The following DACH1 variants were observed in gnomAD, a reference collection of about 807,000 sequenced individuals.
DACH1 encodes dachshund homolog 1.
In DACH1, 12 loss-of-function variants were observed where a neutral mutation model predicts 54.2. That is an observed-to-expected ratio of 0.22 (90% CI 0.14 to 0.36). The LOEUF (loss-of-function observed/expected upper bound fraction) is 0.36, where lower values mean the gene tolerates loss of function less well. Among genes scored for constraint, DACH1 ranks in the 10% least tolerant of loss-of-function variants. The pLI, the probability that DACH1 is intolerant of heterozygous loss-of-function variation, is 1.00. For missense variants in DACH1, 805 were observed against 929.8 expected (o/e 0.87, Z 1.75); for synonymous variants, 386 against 366.2 (o/e 1.05, Z -0.62).
At chr13:71,831,899 C>T (rs1566529642) in intron 1 of DACH1, among the ~76,000 whole-genome samples, 1 of 151,884 alleles carries the variant, frequency 6.6e-6, no homozygotes, top group Admixed American at 6.6e-5. Context: ...AACGACCATG[C>T]TCTCTTTATG....
intron 2 of DACH1, among the ~76,000 whole-genome samples, chr13:71,634,296 A>C (rs1344877151): frequency 6.6e-6 from 1 of 151,926 alleles, no homozygotes; most frequent in African/African-American, 2.4e-5. Flanking sequence ...TTGAATATAT[A>C]TTCAATGCTT....
intron 1 of DACH1, among the ~76,000 whole-genome samples, chr13:71,842,274 G>A (rs538993540): frequency 3.9e-5 from 6 of 152,212 alleles, no homozygotes; most frequent in Non-Finnish European, 7.4e-5. Context: ...TGGAGAAAAC[G>A]CTTTATAGTG....
intron 1 of DACH1, among the ~76,000 whole-genome samples, chr13:71,861,942 T>C (rs2138293747): frequency 6.6e-6 from 1 of 150,560 alleles, no homozygotes; most frequent in East Asian, 2.0e-4. Context: ...AGTCAAGAGT[T>C]GGAAAATGTT....
intron 1 of DACH1, among the ~76,000 whole-genome samples, chr13:71,754,187 A>G (rs2137986593): frequency 6.6e-6 from 1 of 152,244 alleles, no homozygotes; most frequent in South Asian, 2.1e-4. Context: ...GTGCTTTAAA[A>G]TGGAGGAATT....
rs1888364038 is a variant in DACH1 at position 71,826,013 on chromosome 13, C to A, written c.848+39909G>T. ...CTAAAGAGATGGAAAGAATTCACAC[C>A]CTGAGTCCACTGCCTTTGGCATATC... On this transcript the variant is annotated intron_variant, in intron 1 of 10. Coordinates refer to ENST00000613252, the MANE Select transcript of DACH1 (RefSeq NM_080759.6). 2.6e-5 allele frequency among the ~76,000 whole-genome samples: 4 copies of A among 152,116 alleles called. No individual in the cohort carries two copies. The South Asian group carries it at 8.3e-4, about 32-fold the overall frequency.
chr13:71,733,833 A>G (rs1883864044), intron 1 of DACH1, among the ~76,000 whole-genome samples: 1 of 152,022 alleles, frequency 6.6e-6, no homozygotes, highest in Admixed American at 6.5e-5. Context: ...ATTATTTCCT[A>G]TAAGCCAAAC....
intron 1 of DACH1, among the ~76,000 whole-genome samples, chr13:71,795,938 G>A (rs1271135792): frequency 1.3e-5 from 2 of 152,086 alleles, no homozygotes; most frequent in East Asian, 1.9e-4. Context: ...AAGAAATTGG[G>A]CTAATCTTTA....
At chr13:71,723,164 G>A (rs1883305425) in intron 1 of DACH1, among the ~76,000 whole-genome samples, 1 of 151,868 alleles carries the variant, frequency 6.6e-6, no homozygotes, top group Admixed American at 6.6e-5. Flanking sequence ...CACTTTGGGA[G>A]GTTGAGGCAA....
intron 3 of DACH1, among the ~76,000 whole-genome samples, chr13:71,602,091 C>A (rs1566370938): frequency 6.6e-6 from 1 of 151,920 alleles, no homozygotes; most frequent in African/African-American, 2.4e-5. Context: ...GGATACCTGA[C>A]CAGCTGGCTA....
chr13:71,586,412 G>A (rs1220080743), intron 3 of DACH1, among the ~76,000 whole-genome samples: 2 of 152,062 alleles, frequency 1.3e-5, no homozygotes, highest in African/African-American at 4.8e-5. Context: ...CTTTAATATT[G>A]CAATTTCTAT....
At chr13:71,756,094 G>T (rs750773550) in intron 1 of DACH1, among the ~76,000 whole-genome samples, 1 of 151,902 alleles carries the variant, frequency 6.6e-6, no homozygotes, top group Non-Finnish European at 1.5e-5. Flanking sequence ...GCGGTAGCCC[G>T]ATCTCGGCTC....
intron 1 of DACH1, among the ~76,000 whole-genome samples, chr13:71,767,633 C>G (rs537803436): frequency 3.3e-5 from 5 of 152,072 alleles, no homozygotes; most frequent in African/African-American, 9.6e-5. Context: ...GACAAAAGAC[C>G]TGGTGTAGGC....
At chr13:71,686,324 C>A (rs2192998) in intron 1 of DACH1, among the ~76,000 whole-genome samples, 13,185 of 152,140 alleles carry the variant, frequency 0.087, 1,589 homozygotes, top group African/African-American at 0.28. Context: ...CACCCAAGCA[C>A]ACTTTCTCCT....
rs568709178 is a variant in DACH1, at chr13:71,492,912, A to G, written c.1571-3764T>C. Reference sequence around the variant, plus strand: ...CAAAATCAGCAAGAATAACATATGAAGAATACGATGATTTAATCAAGAGTC... The same window carrying G: ...CAAAATCAGCAAGAATAACATATGAGGAATACGATGATTTAATCAAGAGTC... On this transcript the variant is annotated intron_variant, in intron 6 of 10. Coordinates refer to ENST00000613252, the MANE Select transcript of DACH1 (RefSeq NM_080759.6). 3.6e-4 allele frequency among the ~76,000 whole-genome samples: 55 copies of G among 152,272 alleles called. 1 individual carries two copies. In the South Asian group the frequency reaches 0.01, roughly 29 times the overall value.
intron 1 of DACH1, among the ~76,000 whole-genome samples, chr13:71,773,163 A>G (rs1594203300): frequency 6.6e-6 from 1 of 151,882 alleles, no homozygotes; most frequent in African/African-American, 2.4e-5. Context: ...AGTTACAACC[A>G]TATTCATATG....
Position 71,596,382 on chromosome 13 carries a change from C to A in DACH1, c.1127-23370G>T, listed in dbSNP as rs151224107. ...ATTCTGCCCTCAAAGCGCTAATAGCCTACTGGAGAGGAAAAGATACCATGG... is the reference window on the plus strand; with the variant it reads ...ATTCTGCCCTCAAAGCGCTAATAGCATACTGGAGAGGAAAAGATACCATGG... On this transcript the variant is annotated intron_variant, in intron 3 of 10. Coordinates refer to ENST00000613252, the MANE Select transcript of DACH1 (RefSeq NM_080759.6). 2.0e-5 allele frequency among the ~76,000 whole-genome samples: 3 copies of A among 152,170 alleles called. No homozygotes were observed. In the East Asian group the frequency reaches 5.8e-4, roughly 29 times the overall value.
At chr13:71,707,493 A>G (rs1466299287) in intron 1 of DACH1, among the ~76,000 whole-genome samples, 1 of 152,208 alleles carries the variant, frequency 6.6e-6, no homozygotes, top group Non-Finnish European at 1.5e-5. Flanking sequence ...CTTGGTCATG[A>G]AAGTGAACTG....
intron 2 of DACH1, among the ~76,000 whole-genome samples, chr13:71,676,331 C>G (rs975745905): frequency 2.0e-5 from 3 of 152,120 alleles, no homozygotes; most frequent in African/African-American, 4.8e-5. Flanking sequence ...GATTCTCCTG[C>G]CTCAGCCTCC....
At chr13:71,746,461 G>C (rs1014781675) in intron 1 of DACH1, among the ~76,000 whole-genome samples, 1 of 151,920 alleles carries the variant, frequency 6.6e-6, no homozygotes, top group African/African-American at 2.4e-5. Flanking sequence ...TTTTAAATGT[G>C]GCACTAAAAA....
Sources: gnomAD v4.1 joint callset for allele counts (sites outside exome capture counted in the v4.1 genomes callset) on GRCh38, gnomAD v4.1.1 for gene constraint, MANE v1.5 for transcripts, NCBI Gene and HGNC (gene_info 2026-07-23, HGNC 2026-07-21) for gene names.